MYH11: variants seen among roughly 807,000 people sequenced by gnomAD.
The protein encoded by MYH11 is myosin heavy chain 11, also known as myosin-11.
MYH11 carries 80 observed loss-of-function variants against 246.6 expected under a neutral mutation model. The observed-to-expected ratio is 0.32, with a 90% CI of 0.27 to 0.39. MYH11 has a LOEUF of 0.39. Ranked by LOEUF, MYH11 falls within the 10% of genes least tolerant of loss-of-function variation. MYH11 has a pLI of 1.00. For synonymous variants in MYH11, 1,071 were observed against 1,015.5 expected (o/e 1.05, Z -1.04); for missense variants, 2,158 against 2,546.8 (o/e 0.85, Z 3.29).
chr16:15,771,498 G>C, intron 9 of MYH11, 71 bp downstream of exon 9: 1 of 1,524,990 alleles, frequency 6.6e-7, no homozygotes, highest in Non-Finnish European at 9.0e-7. Context: ...GTCCTGACCA[G>C]AGAAGAGTTC....
intron 3 of MYH11, among the ~76,000 whole-genome samples, chr16:15,820,636 C>T (rs2043386355): frequency 6.6e-6 from 1 of 152,122 alleles, no homozygotes; most frequent in Non-Finnish European, 1.5e-5. Context: ...TCAAATAAAT[C>T]TGTAAGAATG....
chr16:15,832,943 CTTTTTTTTTTTTTTTTTTTTT>C (rs780380104), intron 2 of MYH11, among the ~76,000 whole-genome samples: 7 of 55,340 alleles, frequency 1.3e-4, no homozygotes, highest in South Asian at 9.9e-4. Context: ...GCAACCTCAT[CTTTTTTTTTTTTTTTTTTTTT>C]TTTTTTTTTT....
intron 4 of MYH11, among the ~76,000 whole-genome samples, chr16:15,794,007 G>A (rs1261580607): frequency 1.3e-4 from 18 of 137,172 alleles, no homozygotes; most frequent in Non-Finnish European, 2.3e-4. Flanking sequence ...GCAGTGGTGC[G>A]ATCTCTGCTA....
intron 1 of MYH11, among the ~76,000 whole-genome samples, chr16:15,845,001 T>G (rs2044149636): frequency 6.6e-6 from 1 of 152,202 alleles, no homozygotes; most frequent in Non-Finnish European, 1.5e-5. Context: ...TAAGATAACC[T>G]GTAGTCATGT....
chr16:15,745,563 GT>G (rs1477031645), intron 19 of MYH11, among the ~76,000 whole-genome samples: 3 of 146,346 alleles, frequency 2.0e-5, no homozygotes, highest in Admixed American at 1.4e-4. Context: ...TGCACTAGCT[GT>G]TTCTTTTTTC....
intron 40 of MYH11, among the ~76,000 whole-genome samples, chr16:15,710,315 G>A (rs549506744): frequency 1.3e-5 from 2 of 152,198 alleles, no homozygotes; most frequent in African/African-American, 4.8e-5. Flanking sequence ...GAGGTCAGGA[G>A]ATCGAGACCA....
intron 22 of MYH11, among the ~76,000 whole-genome samples, chr16:15,740,583 C>T (rs1296938602): frequency 3.3e-5 from 5 of 151,218 alleles, no homozygotes; most frequent in Admixed American, 6.6e-5. Flanking sequence ...CGCACCCCAG[C>T]CTAGGCAAGA....
At chr16:15,719,970 C>T (rs1201221224) in intron 34 of MYH11, among the ~76,000 whole-genome samples, 181 bp downstream of exon 34, 2 of 152,170 alleles carry the variant, frequency 1.3e-5, no homozygotes, top group Non-Finnish European at 2.9e-5. Context: ...CCTAATAATG[C>T]TGCCCTACCC....
chr16:15,721,939 C>A (rs564138733), intron 31 of MYH11, among the ~76,000 whole-genome samples: 11 of 152,242 alleles, frequency 7.2e-5, no homozygotes, highest in Non-Finnish European at 1.5e-4. Context: ...TTCACTGCAA[C>A]CTCCGCCTCG....
At chr16:15,803,340 G>A (rs1313309554) in intron 3 of MYH11, among the ~76,000 whole-genome samples, 2 of 149,702 alleles carry the variant, frequency 1.3e-5, no homozygotes, top group African/African-American at 2.5e-5. Context: ...GCAGTGGCTC[G>A]ATCTTGGCTC....
At chr16:15,704,150 T>TTAA (rs1273794768) in intron 40 of MYH11, 27 bp from the exon 41 acceptor site, 6 of 1,613,352 alleles carry the variant, frequency 3.7e-6, no homozygotes, top group Non-Finnish European at 5.1e-6. Flanking sequence ...AACACATTAT[T>TTAA]TAGCAAAGAA....
chr16:15,781,285 T>G (rs1008311914), intron 6 of MYH11, among the ~76,000 whole-genome samples: 1 of 152,218 alleles, frequency 6.6e-6, no homozygotes, highest in Admixed American at 6.5e-5. Context: ...CTGATGTGTA[T>G]TCATCTAATA....
intron 1 of MYH11, among the ~76,000 whole-genome samples, chr16:15,848,646 G>C (rs1017997119): frequency 1.3e-5 from 2 of 152,152 alleles, no homozygotes; most frequent in African/African-American, 4.8e-5. Context: ...CCTGATGCCA[G>C]TAGCACCCCT....
At chr16:15,818,384 T>C (rs1262421465) in intron 3 of MYH11, among the ~76,000 whole-genome samples, 1 of 152,202 alleles carries the variant, frequency 6.6e-6, no homozygotes, top group Non-Finnish European at 1.5e-5. Flanking sequence ...ACGGAATTCT[T>C]CCCAAGCTTA....
intron 35 of MYH11, 63 bp downstream of exon 35, chr16:15,719,521 AG>A: frequency 6.2e-7 from 1 of 1,610,098 alleles, no homozygotes; most frequent in Non-Finnish European, 8.5e-7. Context: ...CACAGACTGG[AG>A]CTGCCAAGGG....
At chr16:15,786,464 A>G in intron 5 of MYH11, 166 bp downstream of exon 5, 2 of 795,200 alleles carry the variant, frequency 2.5e-6, no homozygotes, top group Admixed American at 1.7e-5. Context: ...ACCCACACTC[A>G]ACAGGCCTGC....
At chr16:15,709,476 G>A (rs1883341883) in intron 40 of MYH11, among the ~76,000 whole-genome samples, 5 of 152,058 alleles carry the variant, frequency 3.3e-5, no homozygotes, top group Non-Finnish European at 5.9e-5. Context: ...CACCGTGGCT[G>A]GCTAATTTTC....
chr16:15,767,657 C>T (rs1308558612), intron 9 of MYH11, among the ~76,000 whole-genome samples: 2 of 152,026 alleles, frequency 1.3e-5, no homozygotes, highest in South Asian at 2.1e-4. Flanking sequence ...TCGGTCTTCG[C>T]AGATGGAATC....
At chr16:15,767,163 G>C (rs368852898) in intron 9 of MYH11, among the ~76,000 whole-genome samples, 2 of 152,200 alleles carry the variant, frequency 1.3e-5, no homozygotes, top group African/African-American at 4.8e-5. Flanking sequence ...ATGGGTGATG[G>C]ATGGATGGGT....
Sources: gnomAD v4.1 joint callset for allele counts (sites outside exome capture counted in the v4.1 genomes callset) on GRCh38, gnomAD v4.1.1 for gene constraint, MANE v1.5 for transcripts, NCBI Gene and HGNC (gene_info 2026-07-23, HGNC 2026-07-21) for gene names.